The following ZC3H12B variants were observed in gnomAD, a reference collection of about 807,000 sequenced individuals.
ZC3H12B encodes probable ribonuclease ZC3H12B.
Under a neutral mutation model 43.9 loss-of-function variants are expected in ZC3H12B, and 7 were observed. That is an observed-to-expected ratio of 0.16 (90% CI 0.09 to 0.30). The LOEUF is 0.30. Ranked by LOEUF, ZC3H12B falls within the 10% of genes least tolerant of loss-of-function variation. The probability of loss-of-function intolerance (pLI) is 1.00; values close to 1 mark genes in which losing one functional copy is unlikely to be tolerated. For missense variants in ZC3H12B, 475 were observed against 670.2 expected, an observed-to-expected ratio of 0.71 and a Z score of 3.22; for synonymous variants, 222 against 241.7, an observed-to-expected ratio of 0.92 and a Z score of 0.76.
intron 3 of ZC3H12B, among the ~76,000 whole-genome samples, chrX:65,452,615 T>C (rs1386873122): frequency 9.0e-6 from 1 of 111,145 alleles, no homozygotes; most frequent in Non-Finnish European, 1.9e-5. Flanking sequence ...CCGAGGTGGG[T>C]GGATCAACTG....
the ZC3H12B span, among the ~76,000 whole-genome samples, chrX:65,154,896 G>T: frequency 2.7e-5 from 3 of 111,065 alleles, no homozygotes; most frequent in African/African-American, 9.8e-5. Flanking sequence ...TAATGATATT[G>T]CTTGTAGGGT....
the ZC3H12B span, chrX:65,357,180 C>A: frequency 2.4e-6 from 1 of 418,338 alleles, no homozygotes; most frequent in Non-Finnish European, 4.4e-6. Context: ...TTTTCATTCC[C>A]AATCTTTTAT....
upstream of ZC3H12B, among the ~76,000 whole-genome samples, chrX:65,487,212 T>G (rs1250968922): frequency 8.9e-6 from 1 of 112,913 alleles, no homozygotes; most frequent in Non-Finnish European, 1.9e-5. Flanking sequence ...ATGCATAGCA[T>G]TCTTCAAACC....
the ZC3H12B span, among the ~76,000 whole-genome samples, chrX:65,360,997 T>G: frequency 1.8e-5 from 2 of 112,461 alleles, no homozygotes; most frequent in Non-Finnish European, 3.8e-5. Flanking sequence ...GTTCTAAAAC[T>G]CAAATGAGGT....
At chrX:65,363,586 G>T (rs1313619465), upstream of ZC3H12B, among the ~76,000 whole-genome samples, 1 of 111,562 alleles carries the variant, frequency 9.0e-6, no homozygotes, top group Admixed American at 9.5e-5. Context: ...TTTAGAGACT[G>T]CTCCCACACT....
the ZC3H12B span, among the ~76,000 whole-genome samples, chrX:65,068,093 T>C: frequency 7.9e-5 from 8 of 101,196 alleles, no homozygotes; most frequent in African/African-American, 3.1e-4. Context: ...TCAGAGAAGA[T>C]ACTTGATGTT....
chrX:65,070,760 C>T, the ZC3H12B span, among the ~76,000 whole-genome samples: 1 of 106,840 alleles, frequency 9.4e-6, no homozygotes, highest in African/African-American at 3.4e-5. Context: ...ATTTCCTTAG[C>T]CTTGACTTCT....
At chrX:65,351,077 A>T in the ZC3H12B span, among the ~76,000 whole-genome samples, 2 of 112,189 alleles carry the variant, frequency 1.8e-5, no homozygotes, top group African/African-American at 6.5e-5. Flanking sequence ...AAAATATACT[A>T]CAAAGCTACT....
At chrX:65,214,440 A>G in the ZC3H12B span, among the ~76,000 whole-genome samples, 1 of 111,488 alleles carries the variant, frequency 9.0e-6, no homozygotes, top group Non-Finnish European at 1.9e-5. Flanking sequence ...ATGTTGTGTC[A>G]TTTCCACAAT....
chrX:65,191,123 C>G, the ZC3H12B span, among the ~76,000 whole-genome samples: 3 of 85,175 alleles, frequency 3.5e-5, no homozygotes, highest in Non-Finnish European at 6.6e-5. Context: ...GTATATTGAA[C>G]CAGCCTTGCA....
chrX:65,170,066 T>A, the ZC3H12B span, among the ~76,000 whole-genome samples: 1 of 112,025 alleles, frequency 8.9e-6, no homozygotes, highest in African/African-American at 3.2e-5. Flanking sequence ...GTGAATTTGA[T>A]CCTGTCATTA....
At chrX:65,108,334 G>A in the ZC3H12B span, among the ~76,000 whole-genome samples, 9 of 110,606 alleles carry the variant, frequency 8.1e-5, no homozygotes, top group Admixed American at 1.9e-4. Flanking sequence ...AGCTTAAAAC[G>A]CAAACACATT....
At chrX:65,116,360 G>A in the ZC3H12B span, among the ~76,000 whole-genome samples, 1 of 110,864 alleles carries the variant, frequency 9.0e-6, no homozygotes, top group Non-Finnish European at 1.9e-5. Flanking sequence ...TTGGATGTAA[G>A]TATTTGGGTT....
At chrX:65,328,290 T>A in the ZC3H12B span, 1 of 253,813 alleles carries the variant, frequency 3.9e-6, no homozygotes, top group South Asian at 5.3e-5. Context: ...GTTGAAGTAT[T>A]CTTTTATCCC....
the ZC3H12B span, among the ~76,000 whole-genome samples, chrX:65,326,905 G>T: frequency 2.7e-5 from 3 of 111,342 alleles, no homozygotes; most frequent in Non-Finnish European, 5.7e-5. Context: ...TTAAGGACAT[G>T]CAAATTAAAA....
At chrX:65,124,570 T>C in the ZC3H12B span, among the ~76,000 whole-genome samples, 1 of 111,202 alleles carries the variant, frequency 9.0e-6, no homozygotes. Context: ...TTATCAGTTC[T>C]CCATTGAATA....
At chrX:65,306,329 G>A in the ZC3H12B span, among the ~76,000 whole-genome samples, 2 of 112,086 alleles carry the variant, frequency 1.8e-5, no homozygotes, top group South Asian at 3.7e-4. Context: ...AATGTTAAAT[G>A]TACACTGATA....
intron 2 of ZC3H12B, among the ~76,000 whole-genome samples, chrX:65,387,678 T>A (rs2066548312): frequency 8.9e-6 from 1 of 112,157 alleles, no homozygotes; most frequent in African/African-American, 3.2e-5. Context: ...TTTGATCCTG[T>A]CATTATGATG....
chrX:65,211,744 TATATA>T, the ZC3H12B span, among the ~76,000 whole-genome samples: 2 of 85,977 alleles, frequency 2.3e-5, no homozygotes, highest in Non-Finnish European at 4.3e-5. Context: ...ATATATATAT[TATATA>T]ATATATTATA....
Sources: allele counts gnomAD v4.1 joint callset (sites outside exome capture counted in the v4.1 genomes callset), GRCh38; gene constraint gnomAD v4.1.1; transcripts MANE v1.5; gene names NCBI Gene and HGNC (gene_info 2026-07-23, HGNC 2026-07-21).